Variants in C19orf44 observed in about 807,000 individuals in gnomAD.
The protein encoded by C19orf44 is uncharacterized protein C19orf44.
Under a neutral mutation model 50.7 loss-of-function variants are expected in C19orf44, and 43 were observed. The observed-to-expected ratio is 0.85, with a 90% CI of 0.66 to 1.09. The LOEUF is 1.09. Ranked by LOEUF, C19orf44 falls within the 50% of genes least tolerant of loss-of-function variation. C19orf44 has a pLI of 0.00. For missense variants in C19orf44, 722 were observed against 836.2 expected (o/e 0.86, Z 1.68); for synonymous variants, 298 against 334.7 (o/e 0.89, Z 1.20).
chr19:16,519,848 G>A lies in C19orf44; in HGVS notation c.*41-246G>A, dbSNP rs939401192. 3.2e-5 allele frequency: 26 copies of A among 814,910 alleles called. No individual in the cohort carries two copies. Among genetic ancestry groups the A allele is most frequent in the African/African-American group, 1.5e-4 (9 of 59,840 alleles). The allele number at this position is 814,910 out of a possible 1,614,324, so 50.5% of individuals were successfully genotyped here. A position where few individuals can be genotyped will look rare whatever the true frequency, so the allele number is the denominator to read the frequency against. On this transcript the variant is annotated intron_variant, in intron 8 of 8. Coordinates refer to ENST00000221671, the MANE Select transcript of C19orf44 (RefSeq NM_032207.4). The surrounding 1 kb of genome is among the most constrained non-coding windows in gnomAD (Gnocchi z 6.0). ...AGGTGACACCGTATGCAGATTTTGC[G>A]TCTCTACCCGTTTATCCTGTCTCAG... is the stretch of plus-strand genomic sequence containing the variant.
chr19:16,519,439 T>C lies in C19orf44; in HGVS notation c.*41-655T>C. On this transcript the variant is annotated intron_variant, in intron 8 of 8. Transcript: ENST00000221671. The surrounding 1 kb of genome is among the most constrained non-coding windows in gnomAD (Gnocchi z 6.0). ...GGGCTGAATGTCCAGACAGGCAGTG[T>C]AGACATGGGAAATGGGTAGAGAGAA... 2 of 1,429,024 alleles carry C rather than the reference T, an allele frequency of 1.4e-6. No individual in the cohort carries two copies. The highest frequency in any genetic ancestry group is 1.2e-5 in the South Asian group (1 of 80,356). 88.5% of individuals were successfully genotyped at this position (1,429,024 alleles called of 1,614,324 possible).
chr19:16,516,729 C>T (rs987967214), intron 7 of C19orf44, among the ~76,000 whole-genome samples: 3 of 152,220 alleles, frequency 2.0e-5, no homozygotes, highest in South Asian at 2.1e-4. Context: ...GGAACTGTGC[C>T]GAGTCCCCTG....
Position 16,519,730 on chromosome 19 carries a change from G to A in C19orf44, c.*41-364G>A. On this transcript the variant is annotated intron_variant, in intron 8 of 8. Coordinates refer to ENST00000221671, the MANE Select transcript of C19orf44 (RefSeq NM_032207.4). This position sits in a 1 kb window ranked among gnomAD's most constrained non-coding sequence, Gnocchi z 6.0. ...CAGCAGAGGAACTAAAATCGAGACAGGTTATTCTTTTTAAGAAGTAACTGA... is the reference window on the plus strand; with the variant it reads ...CAGCAGAGGAACTAAAATCGAGACAAGTTATTCTTTTTAAGAAGTAACTGA... 6.2e-7 allele frequency: 1 copy of A among 1,601,398 alleles called. No individual in the cohort carries two copies.
At chr19:16,505,062 C>T (rs1290608208) in intron 3 of C19orf44, among the ~76,000 whole-genome samples, 1 of 151,880 alleles carries the variant, frequency 6.6e-6, no homozygotes, top group African/African-American at 2.4e-5. Context: ...TGTGATCCGC[C>T]TGCCTCCGCC....
At position 16,496,409 on chromosome 19, in the gene C19orf44, C is replaced by T; in HGVS notation, c.-58C>T. The T allele has an allele frequency of 2.1e-6, 1 of 484,892 alleles. No homozygotes were observed. Among genetic ancestry groups the T allele is most frequent in the East Asian group, 3.8e-5 (1 of 26,382 alleles). 30.0% of individuals were successfully genotyped at this position (484,892 alleles called of 1,614,324 possible). On this transcript the variant is annotated 5_prime_UTR_variant, in exon 1 of 9. Transcript: ENST00000221671. ...CTCTGGCTCTGTTGCCCAGGGCAAC[C>T]GCTCCTTCAGGCGTGAATGTGGCGG... is the stretch of plus-strand genomic sequence containing the variant.
chr19:16,508,827 G>A (rs1395444729), intron 4 of C19orf44, among the ~76,000 whole-genome samples: 3 of 146,376 alleles, frequency 2.0e-5, no homozygotes, highest in Non-Finnish European at 4.5e-5. Context: ...ATGATGAAAT[G>A]TTTTTTTTTT....
At chr19:16,516,522 C>T (rs527669929) in intron 7 of C19orf44, among the ~76,000 whole-genome samples, 1 of 152,240 alleles carries the variant, frequency 6.6e-6, no homozygotes, top group South Asian at 2.1e-4. Flanking sequence ...TGTTTTGTTC[C>T]GATTTGGTAA....
chr19:16,515,958 A>G (rs2093470394), intron 7 of C19orf44, among the ~76,000 whole-genome samples: 1 of 152,062 alleles, frequency 6.6e-6, no homozygotes. Context: ...CACCATGCCC[A>G]GCTAATTTTT....
intron 7 of C19orf44, among the ~76,000 whole-genome samples, chr19:16,515,611 C>T (rs1373732452): frequency 6.6e-6 from 1 of 152,042 alleles, no homozygotes; most frequent in Non-Finnish European, 1.5e-5. Flanking sequence ...CTCACTGCAG[C>T]CTTCGCTTCC....
intron 3 of C19orf44, among the ~76,000 whole-genome samples, 188 bp from the exon 4 acceptor site, chr19:16,506,513 A>G (rs1259461452): frequency 1.3e-5 from 2 of 152,034 alleles, no homozygotes; most frequent in Non-Finnish European, 2.9e-5. Flanking sequence ...GAATCACTTG[A>G]ACTTGGGAGG....
At chr19:16,502,995 A>AG in intron 2 of C19orf44, 70 bp from the exon 3 acceptor site, 1 of 1,467,744 alleles carries the variant, frequency 6.8e-7, no homozygotes, top group Non-Finnish European at 9.2e-7. Context: ...TCAAAAAAAA[A>AG]AAACAAAAAA....
At position 16,519,858 on chromosome 19, in the gene C19orf44, GTTTATCC is replaced by G. The variant is rs1389232131; in HGVS notation, c.*41-234_*41-228del. On this transcript the variant is annotated intron_variant, in intron 8 of 8. Transcript: ENST00000221671. The surrounding 1 kb of genome is among the most constrained non-coding windows in gnomAD (Gnocchi z 6.0). ...GTATGCAGATTTTGCGTCTCTACCCGTTTATCCTGTCTCAGCTAGATAAGGGGGCTCC... is the reference window on the plus strand; with the variant it reads ...GTATGCAGATTTTGCGTCTCTACCCGTGTCTCAGCTAGATAAGGGGGCTCC... 5.2e-6 allele frequency: 4 copies of G among 774,638 alleles called. No homozygotes were observed. The Admixed American group carries it at 8.2e-5, about 16-fold the overall frequency. 48.0% of individuals were successfully genotyped at this position (774,638 alleles called of 1,614,324 possible). A position where few individuals can be genotyped will look rare whatever the true frequency, so the allele number is the denominator to read the frequency against.
chr19:16,519,824 G>A lies in C19orf44; in HGVS notation c.*41-270G>A, dbSNP rs981327884. On this transcript the variant is annotated intron_variant, in intron 8 of 8. Coordinates refer to ENST00000221671, the MANE Select transcript of C19orf44 (RefSeq NM_032207.4). The surrounding 1 kb of genome is among the most constrained non-coding windows in gnomAD (Gnocchi z 6.0). ...CTTGCGTGCATGCTCACTGTCACCA[G>A]GTGACACCGTATGCAGATTTTGCGT... 4.2e-6 allele frequency: 4 copies of A among 959,788 alleles called. No individual in the cohort carries two copies. The African/African-American group carries it at 6.4e-5, about 15-fold the overall frequency. 59.5% of individuals were successfully genotyped at this position (959,788 alleles called of 1,614,324 possible). A position where few individuals can be genotyped will look rare whatever the true frequency, so the allele number is the denominator to read the frequency against.
At chr19:16,501,626 CTT>C (rs2093425854) in intron 2 of C19orf44, 75 bp downstream of exon 2, 4 of 1,121,928 alleles carry the variant, frequency 3.6e-6, no homozygotes, top group Non-Finnish European at 4.6e-6. Context: ...GAGTTTTGCT[CTT>C]GTTGCCCAGG....
At position 16,509,888 on chromosome 19, in the gene C19orf44, C is replaced by T. The variant is rs777951084; in HGVS notation, c.1539C>T (p.Ala513=). The T allele has an allele frequency of 2.4e-5, 38 of 1,614,114 alleles. No homozygotes were observed. Among genetic ancestry groups the T allele is most frequent in the Non-Finnish European group, 3.0e-5 (35 of 1,180,054 alleles). The change falls in exon 5 of 9, where the codon GCC becomes GCT. Residue 513 remains alanine, a synonymous_variant. Coordinates refer to ENST00000221671, the MANE Select transcript of C19orf44 (RefSeq NM_032207.4). ...TGAAGACAGACCTTCCACAAACAGCCGAGTCTAGGAAAAAGTCGGGCAGGC... is the reference window on the plus strand; with the variant it reads ...TGAAGACAGACCTTCCACAAACAGCTGAGTCTAGGAAAAAGTCGGGCAGGC... ...SSVKTDLPQT[A]ESRKKSGRHV... is the part of the protein sequence containing the mutation.
rs771936553 is a variant in C19orf44 at position 16,513,101 on chromosome 19, C to T, written c.1727C>T (p.Ala576Val). ...GCCAATCATGTTATCAGTGCAGATG[C>T]AATAGAAGGTAACAGCCCGGCTCGG... ...PIANHVISAD[A>V]IEALTAYSPA... The change falls in exon 6 of 9, where the codon GCA becomes GTA. Residue 576 changes from alanine to valine, a missense_variant. Ala to Val is a moderately conservative substitution (Grantham distance 64). Coordinates refer to ENST00000221671, the MANE Select transcript of C19orf44 (RefSeq NM_032207.4). 1.2e-6 allele frequency: 2 copies of T among 1,613,846 alleles called. No individual in the cohort carries two copies. The highest frequency in any genetic ancestry group is 1.7e-6 in the Non-Finnish European group (2 of 1,179,922).
chr19:16,515,988 G>A (rs2093470510), intron 7 of C19orf44, among the ~76,000 whole-genome samples: 1 of 152,130 alleles, frequency 6.6e-6, no homozygotes, highest in African/African-American at 2.4e-5. Context: ...AGTAGAGACA[G>A]GGTTTCTCCA....
Position 16,511,765 on chromosome 19 carries a change from C to G in C19orf44, c.1640-1249C>G, listed in dbSNP as rs1298779196. ...CATTCCCTTTTAATATCTCTTTTCT[C>G]ATCCATATGGCTCTTGACAAGGTAG... is the stretch of plus-strand genomic sequence containing the variant. On this transcript the variant is annotated intron_variant, in intron 5 of 8. Coordinates refer to ENST00000221671, the MANE Select transcript of C19orf44 (RefSeq NM_032207.4). Among the ~76,000 whole-genome samples the G allele has an allele frequency of 2.0e-5, 3 of 152,012 alleles. No homozygotes were observed. In the East Asian group the frequency reaches 5.8e-4, roughly 29 times the overall value.
intron 3 of C19orf44, among the ~76,000 whole-genome samples, chr19:16,505,933 C>T (rs551175994): frequency 1.3e-4 from 20 of 152,122 alleles, no homozygotes; most frequent in East Asian, 3.9e-4. Flanking sequence ...CTGCCCATCT[C>T]GGCCTCCCAA....
Sources: allele counts gnomAD v4.1 joint callset (sites outside exome capture counted in the v4.1 genomes callset), GRCh38; gene constraint gnomAD v4.1.1; non-coding constraint Gnocchi (gnomAD v3.1); transcripts MANE v1.5; gene names NCBI Gene and HGNC (gene_info 2026-07-23, HGNC 2026-07-21).